ERFL: variants seen among roughly 807,000 people sequenced by gnomAD.
The protein encoded by ERFL is ETS domain-containing transcription factor ERF-like.
In ERFL, 8 loss-of-function variants were observed where a neutral mutation model predicts 27.9. The observed-to-expected ratio is 0.29, with a 90% CI of 0.17 to 0.52. The LOEUF (loss-of-function observed/expected upper bound fraction) is 0.52. Ranked by LOEUF, ERFL falls within the 20% of genes least tolerant of loss-of-function variation. ERFL has a pLI of 0.97. For missense variants in ERFL, 294 were observed against 444.4 expected (o/e 0.66, Z 3.04); for synonymous variants, 174 against 202.8 (o/e 0.86, Z 1.21).
chr19:41,926,664 T>C (rs782030484), intron 1 of ERFL, among the ~76,000 whole-genome samples: 1 of 151,540 alleles, frequency 6.6e-6, no homozygotes, highest in Non-Finnish European at 1.5e-5. Flanking sequence ...CCAGGGCCCC[T>C]GAGGCTGCTT....
At chr19:41,915,084 C>A (rs1238438936) in intron 1 of ERFL, among the ~76,000 whole-genome samples, 3 of 119,282 alleles carry the variant, frequency 2.5e-5, no homozygotes, top group Non-Finnish European at 5.3e-5. Flanking sequence ...ATCGCTCTCC[C>A]ACCTCCCGCT....
rs1388514400 is a variant in ERFL, at chr19:41,917,490, C to T, written c.-13-4558G>A. On this transcript the variant is annotated intron_variant, in intron 1 of 5. Coordinates refer to ENST00000597630, the MANE Select transcript of ERFL (RefSeq NM_001365103.2). This position sits in a 1 kb window ranked among gnomAD's most constrained non-coding sequence, Gnocchi z 4.8. Reference sequence around the variant, plus strand: ...CCTCACCCAGGCCCCCCCATCCCCACCTCCCCTTAACACAATCTGCACAAT... The same window carrying T: ...CCTCACCCAGGCCCCCCCATCCCCATCTCCCCTTAACACAATCTGCACAAT... Among the ~76,000 whole-genome samples, 1 of 151,448 alleles carries T rather than the reference C, an allele frequency of 6.6e-6. No homozygotes were observed. The highest frequency in any genetic ancestry group is 2.4e-5 in the African/African-American group (1 of 41,168).
At chr19:41,918,532 TAC>T (rs1487638927) in intron 1 of ERFL, among the ~76,000 whole-genome samples, 2 of 113,048 alleles carry the variant, frequency 1.8e-5, no homozygotes, top group East Asian at 6.2e-4. Context: ...ACACACACCA[TAC>T]ACTCACCATA....
At chr19:41,912,024 A>C (rs76799081) in intron 2 of ERFL, among the ~76,000 whole-genome samples, 4,410 of 151,664 alleles carry the variant, frequency 0.029, 217 homozygotes, top group African/African-American at 0.1. Context: ...ACGCCACACA[A>C]CCCGAGACAG....
At chr19:41,927,879 G>A (rs1039768267) in intron 1 of ERFL, among the ~76,000 whole-genome samples, 161 bp downstream of exon 1, 1 of 151,392 alleles carries the variant, frequency 6.6e-6, no homozygotes, top group Non-Finnish European at 1.5e-5. Flanking sequence ...TGCCCCACCT[G>A]CCCCTTACAG....
rs1172247287 is a variant in ERFL at position 41,915,132 on chromosome 19, GC to G, written c.-13-2201del. The stretch of plus-strand genomic sequence containing the variant: ...CAGGGTCCCCCTCCTTCCTCCCCCC[GC>G]CCCCACCCCCTATTGGCCCCTCTCA... On this transcript the variant is annotated intron_variant, in intron 1 of 5. Transcript: ENST00000597630. Among the ~76,000 whole-genome samples, 8 of 16,688 alleles carry G rather than the reference GC, an allele frequency of 4.8e-4. No individual in the cohort carries two copies. The East Asian group carries it at 0.019, about 39-fold the overall frequency. The allele number at this position is 16,688 out of a possible 152,430, so 10.9% of individuals were successfully genotyped here. A position where few individuals can be genotyped will look rare whatever the true frequency, so the allele number is the denominator to read the frequency against.
At chr19:41,922,789 G>A (rs965713732) in intron 1 of ERFL, among the ~76,000 whole-genome samples, 6 of 152,210 alleles carry the variant, frequency 3.9e-5, no homozygotes, top group Non-Finnish European at 7.3e-5. Context: ...CAGCGCCATC[G>A]ATCAGATGGG....
chr19:41,925,150 T>C (rs782038061), intron 1 of ERFL, among the ~76,000 whole-genome samples: 11 of 151,514 alleles, frequency 7.3e-5, no homozygotes, highest in Non-Finnish European at 1.2e-4. Context: ...TAAGTGGGGG[T>C]ATGCATAGTG....
At position 41,916,134 on chromosome 19, in the gene ERFL, C is replaced by G. The variant is rs2074800123; in HGVS notation, c.-13-3202G>C. Among the ~76,000 whole-genome samples, 1 of 152,038 alleles carries G rather than the reference C, an allele frequency of 6.6e-6. No individual in the cohort carries two copies. The highest frequency in any genetic ancestry group is 2.4e-5 in the African/African-American group (1 of 41,382). ...GCGAGGGCCCTCCTCCCTTCTCTCC[C>G]TGCCAAGCACAACCACACAGACCCA... On this transcript the variant is annotated intron_variant, in intron 1 of 5. Transcript: ENST00000597630. The surrounding 1 kb of genome is among the most constrained non-coding windows in gnomAD (Gnocchi z 5.4).
intron 1 of ERFL, among the ~76,000 whole-genome samples, chr19:41,914,956 A>ATCTCTG (rs1176391658): frequency 1.1e-3 from 56 of 51,794 alleles, no homozygotes; most frequent in Admixed American, 1.6e-3. Flanking sequence ...CTCTTCCACT[A>ATCTCTG]TCTCTGTCTC....
At chr19:41,919,777 C>A (rs1192597330) in intron 1 of ERFL, among the ~76,000 whole-genome samples, 1 of 132,936 alleles carries the variant, frequency 7.5e-6, no homozygotes, top group Non-Finnish European at 1.5e-5. Context: ...GCCTCCTCAT[C>A]TTGCCCTCAG....
chr19:41,909,300 T>C lies in ERFL; in HGVS notation c.474A>G (p.Pro158=). The change falls in exon 4 of 6, where the codon CCA becomes CCG. Residue 158 remains proline (P), a synonymous_variant. Transcript: ENST00000597630. The surrounding 1 kb of genome is among the most constrained non-coding windows in gnomAD (Gnocchi z 5.2). ...TPSPFGGAPG[P]DAPPLTPETL... is the part of the protein sequence containing the mutation. ...CCTCAGGGGTGAGGGGAGGAGCATC[T>C]GGCCCTGGGGCCCCCCCAAAGGGAC... 8.1e-7 allele frequency: 1 copy of C among 1,234,676 alleles called. No homozygotes were observed. The highest frequency in any genetic ancestry group is 3.2e-5 in the East Asian group (1 of 31,724). The allele number at this position is 1,234,676 out of a possible 1,614,324, so 76.5% of individuals were successfully genotyped here.
intron 1 of ERFL, among the ~76,000 whole-genome samples, chr19:41,915,862 G>C (rs996066199): frequency 7.2e-5 from 11 of 152,194 alleles, no homozygotes; most frequent in African/African-American, 2.4e-4. Context: ...GGGCCTGGCA[G>C]GACGGCCGGA....
In ERFL at chr19:41,910,407, G is replaced by A. The variant is rs2074745161; in HGVS notation, c.68-310C>T. The stretch of plus-strand genomic sequence containing the variant: ...GGACTGGCTTCCTGCACCCATGACA[G>A]TGAGGAGGAATGGGGAGGGGCACCC... On this transcript the variant is annotated intron_variant, in intron 2 of 5. Transcript: ENST00000597630. This position sits in a 1 kb window ranked among gnomAD's most constrained non-coding sequence, Gnocchi z 4.4. 6.6e-6 allele frequency among the ~76,000 whole-genome samples: 1 copy of A among 152,008 alleles called. No homozygotes were observed. Among genetic ancestry groups the A allele is most frequent in the South Asian group, 2.1e-4 (1 of 4,824 alleles).
chr19:41,909,531 G>C lies in ERFL; in HGVS notation c.303-60C>G, dbSNP rs1416589038. ...GGGGAGCCCTGGGGCGGGATCTGGGGTTTCTTAATGCGTGTGCTGTCCCAG... is the reference window on the plus strand; with the variant it reads ...GGGGAGCCCTGGGGCGGGATCTGGGCTTTCTTAATGCGTGTGCTGTCCCAG... On this transcript the variant is annotated intron_variant, in intron 3 of 5. Transcript: ENST00000597630. The surrounding 1 kb of genome is among the most constrained non-coding windows in gnomAD (Gnocchi z 5.2). 1.7e-6 allele frequency: 2 copies of C among 1,167,794 alleles called. No individual in the cohort carries two copies. Among genetic ancestry groups the C allele is most frequent in the Non-Finnish European group, 2.2e-6 (2 of 920,978 alleles). 72.3% of individuals were successfully genotyped at this position (1,167,794 alleles called of 1,614,324 possible).
rs1555850997 is a variant in ERFL, at chr19:41,908,951, CCCT to C, written c.616+106_616+108del. 1.5e-6 allele frequency: 1 copy of C among 661,426 alleles called. No homozygotes were observed. Among genetic ancestry groups the C allele is most frequent in the Non-Finnish European group, 2.1e-6 (1 of 467,640 alleles). 41.0% of individuals were successfully genotyped at this position (661,426 alleles called of 1,614,324 possible). On this transcript the variant is annotated intron_variant, in intron 5 of 5. Transcript: ENST00000597630. This position sits in a 1 kb window ranked among gnomAD's most constrained non-coding sequence, Gnocchi z 6.7. ...TACACACACACACCCTACAACCTGGCCCTGGGCCCCCTTCCCCATCTCTTCTCT... is the reference window on the plus strand; with the variant it reads ...TACACACACACACCCTACAACCTGGCGGGCCCCCTTCCCCATCTCTTCTCT...
rs1320230576 is a variant in ERFL, at chr19:41,908,709, ACCTG to A, written c.617-37_617-34del. The A allele has an allele frequency of 6.1e-6, 7 of 1,153,068 alleles. No homozygotes were observed. The highest frequency in any genetic ancestry group is 7.6e-6 in the Non-Finnish European group (7 of 916,400). 71.4% of individuals were successfully genotyped at this position (1,153,068 alleles called of 1,614,324 possible). A position where few individuals can be genotyped will look rare whatever the true frequency, so the allele number is the denominator to read the frequency against. Reference sequence around the variant, plus strand: ...GCACAGGGGTAGGTCAGGCTGGGGCACCTGCCTGCCTGGGGACCAGTAAAGGGGG... The same window carrying A: ...GCACAGGGGTAGGTCAGGCTGGGGCACCTGCCTGGGGACCAGTAAAGGGGG... On this transcript the variant is annotated intron_variant, in intron 5 of 5. Coordinates refer to ENST00000597630, the MANE Select transcript of ERFL (RefSeq NM_001365103.2). The surrounding 1 kb of genome is among the most constrained non-coding windows in gnomAD (Gnocchi z 6.7).
chr19:41,920,396 G>A (rs2074834766), intron 1 of ERFL, among the ~76,000 whole-genome samples: 1 of 124,024 alleles, frequency 8.1e-6, no homozygotes, highest in South Asian at 2.9e-4. Flanking sequence ...GACATGCCCA[G>A]ATGTGACACA....
chr19:41,922,735 G>A lies in ERFL; in HGVS notation c.-14+5305C>T, dbSNP rs187817760. ...ACAAGGGCCGGGGTCCAGCCGGGCT[G>A]GGGGGGACTCAGGGCTCCAGGGGCA... On this transcript the variant is annotated intron_variant, in intron 1 of 5. Transcript: ENST00000597630. Among the ~76,000 whole-genome samples, 6 of 152,282 alleles carry A rather than the reference G, an allele frequency of 3.9e-5. No homozygotes were observed. The East Asian group carries it at 9.6e-4, about 24-fold the overall frequency.
Sources: gnomAD v4.1 joint callset for allele counts (sites outside exome capture counted in the v4.1 genomes callset) on GRCh38, gnomAD v4.1.1 for gene constraint, Gnocchi (gnomAD v3.1) non-coding constraint, MANE v1.5 for transcripts, NCBI Gene and HGNC (gene_info 2026-07-23, HGNC 2026-07-21) for gene names.